WNT2B: variants seen among roughly 807,000 people sequenced by gnomAD.
The protein encoded by WNT2B is Wnt family member 2B, also known as protein Wnt-2b.
WNT2B carries 19 observed loss-of-function variants against 40.5 expected under a neutral mutation model. The ratio of observed to expected loss-of-function variants is 0.47; its 90% confidence interval spans 0.33 to 0.69. WNT2B has a LOEUF of 0.69. Ranked by LOEUF, WNT2B falls within the 30% of genes least tolerant of loss-of-function variation. WNT2B has a pLI of 0.02. For synonymous variants in WNT2B, 220 were observed against 211.9 expected, an observed-to-expected ratio of 1.04 and a Z score of -0.33; for missense variants, 467 against 556.4, an observed-to-expected ratio of 0.84 and a Z score of 1.62.
At position 112,524,343 on chromosome 1, in the gene WNT2B, A is replaced by C. The variant is rs1378451441; in HGVS notation, c.*3834A>C. 8 of 152,580 alleles carry C rather than the reference A, an allele frequency of 5.2e-5. No homozygotes were observed. Among genetic ancestry groups the C allele is most frequent in the Non-Finnish European group, 1.0e-4 (7 of 68,056 alleles). The allele number at this position is 152,580 out of a possible 1,614,324, so 9.5% of individuals were successfully genotyped here. ...TCAAGCTAGCTGGGGCGAAGGGAGG[A>C]CGCCAGGGAGAGTATGTTTCTCATC... On this transcript the variant is annotated 3_prime_UTR_variant, in exon 5 of 5. Transcript: ENST00000369684.
intron 1 of WNT2B, among the ~76,000 whole-genome samples, chr1:112,484,386 T>C (rs1651350033): frequency 6.7e-6 from 1 of 150,352 alleles, no homozygotes; most frequent in Non-Finnish European, 1.5e-5. Context: ...CTGCAACCTC[T>C]ACTTCCCAGG....
rs574669619 is a variant in WNT2B at position 112,493,150 on chromosome 1, T to C, written c.-94-21724T>C. Among the ~76,000 whole-genome samples the C allele has an allele frequency of 3.9e-5, 6 of 152,234 alleles. No homozygotes were observed. In the South Asian group the frequency reaches 1.0e-3, roughly 26 times the overall value. ...TAAGAGCTCTCTCTAATGGGTAAAGTAGACAGCATGCAAAAACAGGCAATG... is the reference window on the plus strand; with the variant it reads ...TAAGAGCTCTCTCTAATGGGTAAAGCAGACAGCATGCAAAAACAGGCAATG... On this transcript the variant is annotated intron_variant, in intron 1 of 4. Transcript: ENST00000256640.
chr1:112,504,539 GTGGATCCCCACTCTTTTCCC>G (rs1652055647), upstream of WNT2B, among the ~76,000 whole-genome samples: 1 of 152,040 alleles, frequency 6.6e-6, no homozygotes. Flanking sequence ...TGTACAAAGC[GTGGATCCCCACTCTTTTCCC>G]CCCTTAACAG....
chr1:112,487,111 T>C (rs1315726358), intron 1 of WNT2B, among the ~76,000 whole-genome samples: 1 of 152,214 alleles, frequency 6.6e-6, no homozygotes, highest in Non-Finnish European at 1.5e-5. Flanking sequence ...CTGTGATATA[T>C]CCATACAATG....
chr1:112,520,247 CTT>C (rs761878587), intron 4 of WNT2B, 31 bp from the exon 5 acceptor site: 30 of 1,593,826 alleles, frequency 1.9e-5, no homozygotes, highest in Non-Finnish European at 2.5e-5. Context: ...GAAGAGATAA[CTT>C]TGTTCTCACT....
rs1570831904 is a variant in WNT2B at position 112,527,485 on chromosome 1, C to T, written c.*6976C>T. 6.5e-6 allele frequency: 1 copy of T among 152,820 alleles called. No individual in the cohort carries two copies. Among genetic ancestry groups the T allele is most frequent in the African/African-American group, 2.4e-5 (1 of 41,450 alleles). 9.5% of individuals were successfully genotyped at this position (152,820 alleles called of 1,614,324 possible). On this transcript the variant is annotated 3_prime_UTR_variant, in exon 5 of 5. Coordinates refer to ENST00000369684, the MANE Select transcript of WNT2B (RefSeq NM_024494.3). ...ATAGCAGCACAGCCCCATGAGGCCA[C>T]ACACCAGATGGAGGGGATAAAAGTA...
intron 1 of WNT2B, among the ~76,000 whole-genome samples, chr1:112,483,951 T>C (rs991462021): frequency 6.6e-6 from 1 of 150,726 alleles, no homozygotes; most frequent in African/African-American, 2.4e-5. Context: ...CTCACACCTG[T>C]TAGAATTAGT....
upstream of WNT2B, among the ~76,000 whole-genome samples, chr1:112,505,643 C>T (rs1251474525): frequency 6.6e-6 from 1 of 152,244 alleles, no homozygotes; most frequent in Non-Finnish European, 1.5e-5. Context: ...GTGTCTAGGA[C>T]CTTGAGACTG....
In WNT2B at chr1:112,525,731, C is replaced by A. The variant is rs1653281747; in HGVS notation, c.*5222C>A. On this transcript the variant is annotated 3_prime_UTR_variant, in exon 5 of 5. Coordinates refer to ENST00000369684, the MANE Select transcript of WNT2B (RefSeq NM_024494.3). ...GAGCCAAAATGCGGTGACTTGACTTCAACCCCAACAGCCCCTGTAAGTAGC... is the reference window on the plus strand; with the variant it reads ...GAGCCAAAATGCGGTGACTTGACTTAAACCCCAACAGCCCCTGTAAGTAGC... 7.0e-6 allele frequency: 2 copies of A among 285,594 alleles called. No individual in the cohort carries two copies. The highest frequency in any genetic ancestry group is 2.1e-5 in the African/African-American group (1 of 46,574). The allele number at this position is 285,594 out of a possible 1,614,324, so 17.7% of individuals were successfully genotyped here.
chr1:112,472,154 G>A (rs907409059), intron 1 of WNT2B, among the ~76,000 whole-genome samples: 6 of 152,148 alleles, frequency 3.9e-5, no homozygotes, highest in Non-Finnish European at 4.4e-5. Context: ...TCTTATAATT[G>A]CCCCCCAACA....
intron 1 of WNT2B, among the ~76,000 whole-genome samples, chr1:112,493,587 A>C (rs1557913139): frequency 6.6e-6 from 1 of 151,936 alleles, no homozygotes; most frequent in African/African-American, 2.4e-5. Flanking sequence ...ACACCCTTAC[A>C]CTCCAGTCTG....
Position 112,528,534 on chromosome 1 carries a change from ACATAT to A in WNT2B, c.*8029_*8033del, listed in dbSNP as rs1421273078. ...ACACTGTAAAGTTCAACAAAATGCT[ACATAT>A]CATTAACTACAGCTCCTTATCATTT... On this transcript the variant is annotated 3_prime_UTR_variant, in exon 5 of 5. Coordinates refer to ENST00000369684, the MANE Select transcript of WNT2B (RefSeq NM_024494.3). The A allele has an allele frequency of 6.6e-6, 1 of 152,180 alleles. No individual in the cohort carries two copies. The highest frequency in any genetic ancestry group is 1.5e-5 in the Non-Finnish European group (1 of 68,012). 9.4% of individuals were successfully genotyped at this position (152,180 alleles called of 1,614,324 possible).
At chr1:112,484,270 C>CATAT (rs1467125619) in intron 1 of WNT2B, among the ~76,000 whole-genome samples, 1 of 93,140 alleles carries the variant, frequency 1.1e-5, no homozygotes, top group Non-Finnish European at 2.4e-5. Flanking sequence ...TATATATATA[C>CATAT]ACATATATAT....
chr1:112,486,583 A>G (rs1389672489), intron 1 of WNT2B, among the ~76,000 whole-genome samples: 1 of 152,206 alleles, frequency 6.6e-6, no homozygotes, highest in Non-Finnish European at 1.5e-5. Context: ...ATTAACTAGG[A>G]GAATATACTT....
In WNT2B at chr1:112,519,625, T is replaced by G. The variant is rs115242018; in HGVS notation, c.947-655T>G. ...CCACTGTAAGGGGAAGGGATAATGCTTAGGGATAATAGCAATAATAATAAT... is the reference window on the plus strand; with the variant it reads ...CCACTGTAAGGGGAAGGGATAATGCGTAGGGATAATAGCAATAATAATAAT... On this transcript the variant is annotated intron_variant, in intron 4 of 4. Coordinates refer to ENST00000369684, the MANE Select transcript of WNT2B (RefSeq NM_024494.3). Among the ~76,000 whole-genome samples the G allele has an allele frequency of 3.0e-3, 452 of 152,266 alleles. 4 individuals are homozygous for G. The highest frequency in any genetic ancestry group is 9.6e-3 in the African/African-American group (397 of 41,540).
upstream of WNT2B, among the ~76,000 whole-genome samples, chr1:112,508,335 G>C (rs1199829326): frequency 6.6e-6 from 1 of 150,864 alleles, no homozygotes; most frequent in Non-Finnish European, 1.5e-5. The surrounding 1 kb of genome is among the most constrained non-coding windows in gnomAD (Gnocchi z 4.2). Context: ...AAAAGCACCC[G>C]GGCCGGGCAG....
intron 3 of WNT2B, 25 bp downstream of exon 3, chr1:112,516,442 A>G (rs777690270): frequency 2.0e-5 from 32 of 1,591,812 alleles, no homozygotes; most frequent in Non-Finnish European, 2.7e-5. Flanking sequence ...CTGTGTAAGT[A>G]CACTCATATT....
chr1:112,506,050 C>T (rs1454420124), upstream of WNT2B, among the ~76,000 whole-genome samples: 1 of 152,104 alleles, frequency 6.6e-6, no homozygotes, highest in African/African-American at 2.4e-5. Context: ...CTCTGTTGCC[C>T]AGGCTGGGTG....
rs769750917 is a variant in WNT2B, at chr1:112,524,691, A to C, written c.*4182A>C. The stretch of plus-strand genomic sequence containing the variant: ...ATCTTTGAAGCAATGTTGGATAACA[A>C]GAAAGAGATGCTTCCTTTTCACTCT... On this transcript the variant is annotated 3_prime_UTR_variant, in exon 5 of 5. Transcript: ENST00000369684. The C allele has an allele frequency of 1.3e-5, 2 of 152,508 alleles. No individual in the cohort carries two copies. The highest frequency in any genetic ancestry group is 2.9e-5 in the Non-Finnish European group (2 of 68,136). 9.4% of individuals were successfully genotyped at this position (152,508 alleles called of 1,614,324 possible).
Sources: gnomAD v4.1 joint callset for allele counts (sites outside exome capture counted in the v4.1 genomes callset) on GRCh38, gnomAD v4.1.1 for gene constraint, Gnocchi (gnomAD v3.1) non-coding constraint, MANE v1.5 for transcripts, NCBI Gene and HGNC (gene_info 2026-07-23, HGNC 2026-07-21) for gene names.